The following RASSF3 variants were observed in gnomAD, a reference collection of about 807,000 sequenced individuals.
RASSF3 encodes ras association domain-containing protein 3.
RASSF3 carries 19 observed loss-of-function variants against 19.9 expected under a neutral mutation model. The ratio of observed to expected loss-of-function variants is 0.96; its 90% CI spans 0.67 to 1.40. The LOEUF (loss-of-function observed/expected upper bound fraction) is 1.40. Among genes scored for constraint, RASSF3 ranks in the 40% most tolerant of loss-of-function variants. The pLI is 0.00. For synonymous variants in RASSF3, 110 were observed against 104.2 expected, an observed-to-expected ratio of 1.06 and a Z score of -0.34; for missense variants, 306 against 289.8, an observed-to-expected ratio of 1.06 and a Z score of -0.41.
upstream of RASSF3, among the ~76,000 whole-genome samples, chr12:64,610,145 C>T (rs1385740166): frequency 6.6e-6 from 1 of 152,158 alleles, no homozygotes; most frequent in Non-Finnish European, 1.5e-5. Flanking sequence ...CTGCTCCCGC[C>T]CTCTCCGAAA....
chr12:64,561,250 G>C (rs1869342635), intron 2 of RASSF3, among the ~76,000 whole-genome samples: 1 of 152,194 alleles, frequency 6.6e-6, no homozygotes, highest in African/African-American at 2.4e-5. Flanking sequence ...TATCTTGTGA[G>C]TCATAGTATA....
At chr12:64,652,918 C>G (rs1211021018) in intron 1 of RASSF3, among the ~76,000 whole-genome samples, 3 of 152,140 alleles carry the variant, frequency 2.0e-5, no homozygotes, top group African/African-American at 7.2e-5. Flanking sequence ...GCTCTGGGGG[C>G]TATAAGTTCT....
chr12:64,607,354 T>C (rs1469462117), upstream of RASSF3, among the ~76,000 whole-genome samples: 2 of 128,434 alleles, frequency 1.6e-5, no homozygotes, highest in East Asian at 4.0e-4. Flanking sequence ...CAATTCTTCC[T>C]TCCTTTATTT....
At chr12:64,650,408 CTTTTTTTTT>C (rs67304103) in intron 1 of RASSF3, among the ~76,000 whole-genome samples, 7 of 85,470 alleles carry the variant, frequency 8.2e-5, no homozygotes, top group African/African-American at 1.5e-4. Flanking sequence ...TTTTTTTTTC[CTTTTTTTTT>C]TTTTTTTTTT....
chr12:64,657,011 C>CTTT (rs566413790), intron 1 of RASSF3, among the ~76,000 whole-genome samples: 1 of 135,742 alleles, frequency 7.4e-6, no homozygotes. Flanking sequence ...AGTATAGTTT[C>CTTT]TTTTTTTTTT....
In RASSF3 at chr12:64,638,931, A is replaced by G. The variant is rs190029271; in HGVS notation, c.111+28188A>G. 8.5e-4 allele frequency among the ~76,000 whole-genome samples: 129 copies of G among 152,172 alleles called. 1 individual carries two copies. Among genetic ancestry groups the G allele is most frequent in the African/African-American group, 3.0e-3 (125 of 41,512 alleles). On this transcript the variant is annotated intron_variant, in intron 1 of 4. Transcript: ENST00000542104. ...TTGTTCTTTCCTCCCATTTTTCTCT[A>G]TTATGAATGATACTGCAATAAACAT...
At chr12:64,608,360 G>A (rs1427728548), upstream of RASSF3, among the ~76,000 whole-genome samples, 4 of 151,952 alleles carry the variant, frequency 2.6e-5, no homozygotes, top group African/African-American at 7.3e-5. Context: ...TGCTCTTGTC[G>A]CCCAGACTGG....
At chr12:64,535,150 G>A (rs1868796740) in intron 1 of RASSF3, among the ~76,000 whole-genome samples, 1 of 151,742 alleles carries the variant, frequency 6.6e-6, no homozygotes, top group African/African-American at 2.4e-5. Flanking sequence ...AAGTTCCTTT[G>A]AGTCTTATGA....
At chr12:64,575,147 T>C (rs942974808) in intron 2 of RASSF3, among the ~76,000 whole-genome samples, 3 of 152,178 alleles carry the variant, frequency 2.0e-5, no homozygotes, top group Non-Finnish European at 4.4e-5. Context: ...CTAAAGAACC[T>C]TCAGATCAAG....
chr12:64,578,087 C>T (rs1229162430), intron 2 of RASSF3, among the ~76,000 whole-genome samples: 3 of 151,382 alleles, frequency 2.0e-5, no homozygotes, highest in Admixed American at 6.6e-5. Context: ...GGCATGGTGA[C>T]GGATGCCTGT....
Position 64,637,425 on chromosome 12 carries a change from T to TTC in RASSF3, c.111+26683_111+26684insCT, listed in dbSNP as rs796343402. ...TGGGTAGTATGAGTAGTTTCTTTCT[T>TTC]TTTTTTTTTTTTTTTTGAGACAGAT... On this transcript the variant is annotated intron_variant, in intron 1 of 4. Coordinates refer to ENST00000542104, the MANE Select transcript of RASSF3 (RefSeq NM_178169.4). Among the ~76,000 whole-genome samples the TTC allele has an allele frequency of 9.2e-4, 134 of 145,940 alleles. 1 individual carries two copies. Among genetic ancestry groups the TTC allele is most frequent in the African/African-American group, 3.3e-3 (130 of 39,520 alleles).
chr12:64,507,492 G>C (rs1437599668), intron 1 of RASSF3: 2 of 392,310 alleles, frequency 5.1e-6, no homozygotes, highest in African/African-American at 4.1e-5. Flanking sequence ...GGAAAATTGA[G>C]AGAAAATAAA....
chr12:64,610,743 A>G lies in RASSF3; in HGVS notation c.111A>G (p.Gln37=), dbSNP rs772583668. The change falls in exon 1 of 5, where the codon CAA becomes CAG. Residue 37 remains glutamine, a splice_region_variant and synonymous_variant. Transcript: ENST00000542104. ...APQGKPRSGQ[Q]DVEKEKETHS... ...AGGGCAAGCCCCGCTCCGGCCAACA[A>G]GTGAGTGGCGCGCGGCGGGCGCTGC... 2.5e-6 allele frequency: 4 copies of G among 1,575,490 alleles called. No homozygotes were observed. Among genetic ancestry groups the G allele is most frequent in the Non-Finnish European group, 1.7e-6 (2 of 1,160,184 alleles).
chr12:64,547,773 C>A (rs1158795978), intron 2 of RASSF3, among the ~76,000 whole-genome samples: 1 of 152,184 alleles, frequency 6.6e-6, no homozygotes, highest in Non-Finnish European at 1.5e-5. Context: ...TTCCCCCCCA[C>A]AACCTTGATT....
chr12:64,540,192 A>G (rs181840538), intron 1 of RASSF3, among the ~76,000 whole-genome samples: 693 of 152,324 alleles, frequency 4.5e-3, no homozygotes, highest in Admixed American at 9.2e-3. Flanking sequence ...ACTGAAGCCA[A>G]TTGGAGTTCT....
At chr12:64,619,199 T>A (rs925777407) in intron 1 of RASSF3, among the ~76,000 whole-genome samples, 1 of 152,042 alleles carries the variant, frequency 6.6e-6, no homozygotes, top group East Asian at 1.9e-4. Context: ...ACCAGCCTGG[T>A]GTGTTGGGAA....
intron 1 of RASSF3, among the ~76,000 whole-genome samples, chr12:64,653,272 AT>A (rs1269312710): frequency 2.4e-4 from 36 of 151,916 alleles, no homozygotes; most frequent in African/African-American, 8.5e-4. Flanking sequence ...GGAGATGGGG[AT>A]CTCACTGTAT....
chr12:64,678,691 G>T (rs1220609314), intron 1 of RASSF3, among the ~76,000 whole-genome samples: 1 of 133,564 alleles, frequency 7.5e-6, no homozygotes, highest in African/African-American at 2.7e-5. Flanking sequence ...AAAACCTCTT[G>T]TGGGGCTGGG....
intron 1 of RASSF3, among the ~76,000 whole-genome samples, chr12:64,650,408 CTTTTTTTTTTT>C (rs67304103): frequency 8.2e-5 from 7 of 85,470 alleles, no homozygotes; most frequent in East Asian, 7.2e-4. Flanking sequence ...TTTTTTTTTC[CTTTTTTTTTTT>C]TTTTTTTTTT....
Sources: gnomAD v4.1 joint callset for allele counts (sites outside exome capture counted in the v4.1 genomes callset) on GRCh38, gnomAD v4.1.1 for gene constraint, MANE v1.5 for transcripts, NCBI Gene and HGNC (gene_info 2026-07-23, HGNC 2026-07-21) for gene names.